The following DERL2 variants were observed in gnomAD, a reference collection of about 807,000 sequenced individuals.
DERL2 encodes the protein derlin-2.
Under a neutral mutation model 32.0 loss-of-function variants are expected in DERL2, and 13 were observed. The ratio of observed to expected loss-of-function variants is 0.41; its 90% CI spans 0.26 to 0.65. DERL2 has a LOEUF of 0.65. Ranked by LOEUF, DERL2 falls within the 30% of genes least tolerant of loss-of-function variation. The pLI, the probability that DERL2 is intolerant of heterozygous loss-of-function variation, is 0.35. For synonymous variants in DERL2, 111 were observed against 104.7 expected (o/e 1.06, Z -0.37); for missense variants, 208 against 296.3 (o/e 0.70, Z 2.19).
chr17:5,473,900 ACTT>A lies in DERL2; in HGVS notation c.*781_*783del, dbSNP rs1905234725. The A allele has an allele frequency of 6.6e-6, 1 of 152,208 alleles. No individual in the cohort carries two copies. 9.4% of individuals were successfully genotyped at this position (152,208 alleles called of 1,614,324 possible). ...GGCCCTTACCAATCTTTCCCTGGAT[ACTT>A]CTTAATGGAGAAATGTAAGTAAAGC... is the stretch of plus-strand genomic sequence containing the variant. On this transcript the variant is annotated 3_prime_UTR_variant, in exon 7 of 7. Transcript: ENST00000158771.
intron 1 of DERL2, 78 bp from the exon 2 acceptor site, chr17:5,485,294 A>G (rs1378042365): frequency 2.9e-6 from 3 of 1,021,554 alleles, no homozygotes; most frequent in Admixed American, 2.5e-5. Context: ...TAGTAGGTCT[A>G]GCAATTTCCA....
upstream of DERL2, chr17:5,486,254 C>A: frequency 1.7e-5 from 18 of 1,086,982 alleles, no homozygotes; most frequent in Non-Finnish European, 2.2e-5. Flanking sequence ...AGGCCCCCCG[C>A]CCACTTTAGT....
chr17:5,486,399 A>C (rs1349796870), upstream of DERL2: 5 of 387,642 alleles, frequency 1.3e-5, no homozygotes, highest in Admixed American at 4.8e-5. Context: ...CTTCTCCACC[A>C]GCCAACGTCC....
rs920265844 is a variant in DERL2 at position 5,473,694 on chromosome 17, G to A, written c.*990C>T. On this transcript the variant is annotated 3_prime_UTR_variant, in exon 7 of 7. Coordinates refer to ENST00000158771, the MANE Select transcript of DERL2 (RefSeq NM_016041.5). ...TGGCTGGGCATGGTGGCTCATGCCT[G>A]TCATCCTAGCACTTTGGGAGGCTGA... The A allele has an allele frequency of 6.7e-6, 1 of 148,602 alleles. No homozygotes were observed. Among genetic ancestry groups the A allele is most frequent in the African/African-American group, 2.5e-5 (1 of 40,030 alleles). The allele number at this position is 148,602 out of a possible 1,614,324, so 9.2% of individuals were successfully genotyped here.
intron 6 of DERL2, 50 bp downstream of exon 6, chr17:5,480,004 C>A (rs1368157586): frequency 1.7e-6 from 2 of 1,163,688 alleles, no homozygotes; most frequent in Admixed American, 3.6e-5. Context: ...AGATCATGCC[C>A]CTGTCCTGGT....
Position 5,479,916 on chromosome 17 carries a change from T to C in DERL2, c.614+138A>G, listed in dbSNP as rs1805447. On this transcript the variant is annotated intron_variant, in intron 6 of 6. Coordinates refer to ENST00000158771, the MANE Select transcript of DERL2 (RefSeq NM_016041.5). ...ACCCAGTCCAAGTGCTCTTCAACTGTAGCCAGAATGCTCAATCTGCAAATG... is the reference window on the plus strand; with the variant it reads ...ACCCAGTCCAAGTGCTCTTCAACTGCAGCCAGAATGCTCAATCTGCAAATG... 644 of 594,292 alleles carry C rather than the reference T, an allele frequency of 1.1e-3. 3 individuals carry two copies. In the African/African-American group the frequency reaches 0.011, roughly 10 times the overall value. The allele number at this position is 594,292 out of a possible 1,614,324, so 36.8% of individuals were successfully genotyped here. A position where few individuals can be genotyped will look rare whatever the true frequency, so the allele number is the denominator to read the frequency against.
chr17:5,481,356 A>G lies in DERL2; in HGVS notation c.267T>C (p.Ser89=). The G allele has an allele frequency of 6.2e-7, 1 of 1,614,196 alleles. No individual in the cohort carries two copies. Among genetic ancestry groups the G allele is most frequent in the Admixed American group, 1.7e-5 (1 of 60,036 alleles). Residue 89 remains serine, a synonymous_variant, in exon 4 of 7, where the codon TCT becomes TCC. Transcript: ENST00000158771. This position sits in a 1 kb window ranked among gnomAD's most constrained non-coding sequence, Gnocchi z 4.4. ...CAAAGTCTGCTGTCCGACCTCGGAA[A>G]GAGCCTTCTTCTAGCATTCGACAGT... ...YRYCRMLEEG[S]FRGRTADFVF...
At chr17:5,486,363 C>T (rs565466833), upstream of DERL2, 44 of 506,906 alleles carry the variant, frequency 8.7e-5, no homozygotes, top group Middle Eastern at 1.1e-3. Flanking sequence ...ACCGCCCCCC[C>T]CCAGCGCCCC....
intron 6 of DERL2, among the ~76,000 whole-genome samples, chr17:5,479,101 T>TG (rs1231926438): frequency 6.6e-6 from 1 of 152,186 alleles, no homozygotes; most frequent in East Asian, 1.9e-4. Flanking sequence ...ATTACAGGAA[T>TG]GTGTTATGTT....
chr17:5,477,085 C>A (rs1905440776), intron 6 of DERL2, among the ~76,000 whole-genome samples: 1 of 152,102 alleles, frequency 6.6e-6, no homozygotes, highest in Non-Finnish European at 1.5e-5. Flanking sequence ...AAACATTAAT[C>A]ATAATAAGAA....
chr17:5,471,926 C>T lies in DERL2; in HGVS notation c.*2758G>A, dbSNP rs1905142021. Reference sequence around the variant, plus strand: ...TCCTTATTTTCAGAGGCCCCAGAGACTGAGGGTTTCATTATCCAGACCCAG... The same window carrying T: ...TCCTTATTTTCAGAGGCCCCAGAGATTGAGGGTTTCATTATCCAGACCCAG... On this transcript the variant is annotated 3_prime_UTR_variant, in exon 7 of 7. Transcript: ENST00000158771. 1 of 152,196 alleles carries T rather than the reference C, an allele frequency of 6.6e-6. No individual in the cohort carries two copies. Among genetic ancestry groups the T allele is most frequent in the African/African-American group, 2.4e-5 (1 of 41,438 alleles). The allele number at this position is 152,196 out of a possible 1,614,324, so 9.4% of individuals were successfully genotyped here. A position where few individuals can be genotyped will look rare whatever the true frequency, so the allele number is the denominator to read the frequency against.
intron 1 of DERL2, among the ~76,000 whole-genome samples, chr17:5,485,498 C>T (rs1906146200): frequency 6.6e-6 from 1 of 152,130 alleles, no homozygotes; most frequent in Admixed American, 6.5e-5. Flanking sequence ...ATTTTAGACA[C>T]AGGACAAATA....
At chr17:5,486,557 G>T (rs964869164), upstream of DERL2, 25 of 163,946 alleles carry the variant, frequency 1.5e-4, no homozygotes, top group African/African-American at 6.0e-4. Flanking sequence ...TTCGCTCGCC[G>T]AGGCGCGTAT....
At chr17:5,485,720 T>C (rs1329461960) in intron 1 of DERL2, 1 of 261,578 alleles carries the variant, frequency 3.8e-6, no homozygotes, top group African/African-American at 2.2e-5. Flanking sequence ...CCATTCCTGT[T>C]TCTTCACTAA....
At position 5,481,427 on chromosome 17, in the gene DERL2, T is replaced by C. The variant is rs1905775301; in HGVS notation, c.234-38A>G. On this transcript the variant is annotated intron_variant, in intron 3 of 6. Coordinates refer to ENST00000158771, the MANE Select transcript of DERL2 (RefSeq NM_016041.5). This position sits in a 1 kb window ranked among gnomAD's most constrained non-coding sequence, Gnocchi z 4.4. Reference sequence around the variant, plus strand: ...GTTAAGAAAATATTAAGCACACGAATATGAACAAAGTAAAAATTTAATGTT... The same window carrying C: ...GTTAAGAAAATATTAAGCACACGAACATGAACAAAGTAAAAATTTAATGTT... 2.8e-6 allele frequency: 4 copies of C among 1,431,060 alleles called. No individual in the cohort carries two copies. Among genetic ancestry groups the C allele is most frequent in the Middle Eastern group, 1.8e-4 (1 of 5,684 alleles). The allele number at this position is 1,431,060 out of a possible 1,614,324, so 88.6% of individuals were successfully genotyped here.
chr17:5,477,258 C>T (rs1482094582), intron 6 of DERL2, among the ~76,000 whole-genome samples: 3 of 152,150 alleles, frequency 2.0e-5, no homozygotes, highest in East Asian at 1.9e-4. Context: ...CCAAAGAGTA[C>T]ATGCATACTG....
intron 6 of DERL2, among the ~76,000 whole-genome samples, chr17:5,478,934 C>G (rs1421141374): frequency 6.6e-6 from 1 of 152,196 alleles, no homozygotes; most frequent in Non-Finnish European, 1.5e-5. Flanking sequence ...ATCCTTCCAC[C>G]TCAACCTCTC....
In DERL2 at chr17:5,482,791, C is replaced by A; in HGVS notation, c.233+18G>T. On this transcript the variant is annotated intron_variant, in intron 3 of 6. Transcript: ENST00000158771. The stretch of plus-strand genomic sequence containing the variant: ...CTAAGAAAAAGTTTTGATGCTGACC[C>A]CATTTAATAAAGGATACAGAAAAAT... 1 of 1,352,796 alleles carries A rather than the reference C, an allele frequency of 7.4e-7. No homozygotes were observed. Among genetic ancestry groups the A allele is most frequent in the Non-Finnish European group, 1.0e-6 (1 of 970,234 alleles). 83.8% of individuals were successfully genotyped at this position (1,352,796 alleles called of 1,614,324 possible).
upstream of DERL2, chr17:5,486,238 GC>G: frequency 1.6e-6 from 2 of 1,240,610 alleles, no homozygotes; most frequent in Non-Finnish European, 2.2e-6. Context: ...GGCGGGGCGG[GC>G]CCAAAGGCCC....
Sources: allele counts gnomAD v4.1 joint callset (sites outside exome capture counted in the v4.1 genomes callset), GRCh38; gene constraint gnomAD v4.1.1; non-coding constraint Gnocchi (gnomAD v3.1); transcripts MANE v1.5; gene names NCBI Gene and HGNC (gene_info 2026-07-23, HGNC 2026-07-21).